TACC2: variants seen among roughly 807,000 people sequenced by gnomAD.
TACC2 encodes transforming acidic coiled-coil-containing protein 2.
TACC2 carries 137 observed loss-of-function variants against 227.3 expected under a neutral mutation model. That is an observed-to-expected ratio of 0.60 (90% CI 0.52 to 0.69). The LOEUF is 0.69. TACC2 is among the 30% of genes least tolerant of loss of function. TACC2 has a pLI of 0.00. For synonymous variants in TACC2, 1,523 were observed against 1,487.5 expected, an observed-to-expected ratio of 1.02 and a Z score of -0.55; for missense variants, 3,470 against 3,694.4, an observed-to-expected ratio of 0.94 and a Z score of 1.57.
intron 7 of TACC2, among the ~76,000 whole-genome samples, chr10:122,159,500 C>T (rs1424274185): frequency 6.6e-6 from 1 of 152,218 alleles, no homozygotes; most frequent in East Asian, 1.9e-4. Context: ...GTGAGCATGC[C>T]TAGCTCAGTG....
At chr10:122,133,934 G>C (rs941099561) in intron 6 of TACC2, among the ~76,000 whole-genome samples, 1 of 152,208 alleles carries the variant, frequency 6.6e-6, no homozygotes, top group Admixed American at 6.5e-5. Flanking sequence ...CCAGATGAGG[G>C]GGGGACAGGG....
At chr10:122,188,748 A>G (rs1324328387) in intron 7 of TACC2, among the ~76,000 whole-genome samples, 1 of 152,228 alleles carries the variant, frequency 6.6e-6, no homozygotes, top group Non-Finnish European at 1.5e-5. Flanking sequence ...GGCGATGGCC[A>G]GCGCCCCGGG....
In TACC2 at chr10:122,142,417, C is replaced by CA. The variant is rs564457250; in HGVS notation, c.5700-1155_5700-1154insA. Among the ~76,000 whole-genome samples the CA allele has an allele frequency of 1.6e-4, 25 of 152,366 alleles. No individual in the cohort carries two copies. The East Asian group carries it at 3.9e-3, about 24-fold the overall frequency. Reference sequence around the variant, plus strand: ...AGGGGCTGGGAAGTGCCTGCTGGACCTGCAGAATCTGCTAAGCTGTGACCA... The same window carrying CA: ...AGGGGCTGGGAAGTGCCTGCTGGACCATGCAGAATCTGCTAAGCTGTGACCA... On this transcript the variant is annotated intron_variant, in intron 6 of 22. Transcript: ENST00000369005.
At chr10:122,241,652 T>C in intron 18 of TACC2, 1 of 443,222 alleles carries the variant, frequency 2.3e-6, no homozygotes, top group African/African-American at 1.9e-5. Context: ...GGTCTCAAAA[T>C]CCTAGCCTTA....
intron 2 of TACC2, among the ~76,000 whole-genome samples, chr10:122,038,095 C>A (rs1209220102): frequency 6.6e-6 from 1 of 152,114 alleles, no homozygotes; most frequent in East Asian, 1.9e-4. Flanking sequence ...CCTGTCTCTA[C>A]TAAAAATACA....
Position 122,252,481 on chromosome 10 carries a change from GT to G in TACC2, c.8782-1500del, listed in dbSNP as rs758449522. The stretch of plus-strand genomic sequence containing the variant: ...AGCAGGGGCCATAGTGGCAATGAGA[GT>G]TTTTTTTTTCTTTCTTTTTTTTTTT... On this transcript the variant is annotated intron_variant, in intron 22 of 22. Coordinates refer to ENST00000369005, the MANE Select transcript of TACC2 (RefSeq NM_206862.4). Among the ~76,000 whole-genome samples the G allele has an allele frequency of 3.0e-3, 452 of 148,612 alleles. 2 individuals carry two copies. Among genetic ancestry groups the G allele is most frequent in the African/African-American group, 0.01 (406 of 40,450 alleles).
chr10:122,215,577 T>C, intron 10 of TACC2, 126 bp downstream of exon 10: 1 of 799,054 alleles, frequency 1.3e-6, no homozygotes, highest in Non-Finnish European at 2.2e-6. Flanking sequence ...TTGCATTCTG[T>C]GTGGAGGGTC....
At chr10:122,181,247 G>C (rs1335102334) in intron 7 of TACC2, among the ~76,000 whole-genome samples, 3 of 152,174 alleles carry the variant, frequency 2.0e-5, no homozygotes, top group Non-Finnish European at 4.4e-5. Context: ...TGTTGGAGGG[G>C]GCATTGTTGG....
At chr10:122,252,982 T>C (rs917583670) in intron 22 of TACC2, among the ~76,000 whole-genome samples, 5 of 152,174 alleles carry the variant, frequency 3.3e-5, no homozygotes, top group Non-Finnish European at 7.4e-5. Flanking sequence ...GACTGGAACT[T>C]CCCCTCCACT....
At position 122,082,053 on chromosome 10, in the gene TACC2, C is replaced by T. The variant is rs572305844; in HGVS notation, c.147-594C>T. Among the ~76,000 whole-genome samples, 60 of 150,056 alleles carry T rather than the reference C, an allele frequency of 4.0e-4. 1 individual carries two copies. The highest frequency in any genetic ancestry group is 6.8e-4 in the Non-Finnish European group (46 of 67,592). On this transcript the variant is annotated intron_variant, in intron 3 of 22. Coordinates refer to ENST00000369005, the MANE Select transcript of TACC2 (RefSeq NM_206862.4). The stretch of plus-strand genomic sequence containing the variant: ...TCTGAGTTGTCAGCACGGTGGCTCA[C>T]GCCTATAATTCCAGCACTTTGGGAG...
intron 3 of TACC2, among the ~76,000 whole-genome samples, chr10:122,079,950 T>A (rs768972634): frequency 5.3e-5 from 8 of 152,222 alleles, no homozygotes; most frequent in Middle Eastern, 3.2e-3. Flanking sequence ...TCAAAAATGT[T>A]GAAAGGATGG....
At chr10:122,248,914 G>A (rs2096190160) in intron 20 of TACC2, 111 bp downstream of exon 20, 5 of 1,515,252 alleles carry the variant, frequency 3.3e-6, no homozygotes, top group Non-Finnish European at 4.5e-6. Flanking sequence ...CCTGCGAGGA[G>A]GGGGTCCATG....
At chr10:122,104,779 T>G (rs543576490) in intron 5 of TACC2, among the ~76,000 whole-genome samples, 1 of 152,352 alleles carries the variant, frequency 6.6e-6, no homozygotes. Flanking sequence ...TGAAATACTC[T>G]AATCTGAGAA....
At chr10:122,118,600 T>C (rs1311967273) in intron 5 of TACC2, among the ~76,000 whole-genome samples, 1 of 152,240 alleles carries the variant, frequency 6.6e-6, no homozygotes, top group Non-Finnish European at 1.5e-5. Flanking sequence ...GGTCTAGACC[T>C]GGTTGCATTG....
Position 122,054,433 on chromosome 10 carries a change from G to A in TACC2, c.146+3883G>A, listed in dbSNP as rs562147594. Among the ~76,000 whole-genome samples, 4 of 152,326 alleles carry A rather than the reference G, an allele frequency of 2.6e-5. No homozygotes were observed. The South Asian group carries it at 8.3e-4, about 32-fold the overall frequency. ...AGCAGTACAGCTGATTAGCAGTCTG[G>A]ACTGGTCCCTGGTCCGCCCTTCTTG... On this transcript the variant is annotated intron_variant, in intron 3 of 22. Coordinates refer to ENST00000369005, the MANE Select transcript of TACC2 (RefSeq NM_206862.4).
intron 7 of TACC2, among the ~76,000 whole-genome samples, chr10:122,186,728 G>T (rs1160587238): frequency 6.6e-6 from 1 of 152,238 alleles, no homozygotes; most frequent in South Asian, 2.1e-4. Flanking sequence ...GGCCAGGCTG[G>T]CCTCGAACTC....
rs2095272946 is a variant in TACC2, at chr10:122,210,775, C to T, written c.6350C>T (p.Ser2117Phe). The change falls in exon 9 of 23, where the codon TCC becomes TTC. Residue 2117 changes from serine (S) to phenylalanine (F), a missense_variant. Physicochemically the swap from Ser to Phe is radical, Grantham distance 155 (BLOSUM62 -2). Transcript: ENST00000369005. This position sits in a 1 kb window ranked among gnomAD's most constrained non-coding sequence, Gnocchi z 4.6. ...ALAPDAYSTG[S>F]SSASSTLKRT... ...GCCCCAGATGCATATAGCACGGGTT[C>T]CAGCAGTGCTTCTAGTACCCTTAAG... is the stretch of plus-strand genomic sequence containing the variant. The T allele has an allele frequency of 6.2e-7, 1 of 1,613,742 alleles. No individual in the cohort carries two copies. The highest frequency in any genetic ancestry group is 8.5e-7 in the Non-Finnish European group (1 of 1,180,024).
intron 8 of TACC2, among the ~76,000 whole-genome samples, chr10:122,198,566 G>C (rs1376358880): frequency 6.6e-6 from 1 of 152,222 alleles, no homozygotes; most frequent in Non-Finnish European, 1.5e-5. Flanking sequence ...TCAGGTGAGG[G>C]AGGATCAGCC....
At chr10:122,005,483 C>A (rs1215344755) in intron 1 of TACC2, among the ~76,000 whole-genome samples, 7 of 150,698 alleles carry the variant, frequency 4.6e-5, no homozygotes, top group Admixed American at 6.7e-5. Context: ...CTCCTGGGTT[C>A]ACGCCATTCT....
Sources: gnomAD v4.1 joint callset for allele counts (sites outside exome capture counted in the v4.1 genomes callset) on GRCh38, gnomAD v4.1.1 for gene constraint, Gnocchi (gnomAD v3.1) non-coding constraint, MANE v1.5 for transcripts, NCBI Gene and HGNC (gene_info 2026-07-23, HGNC 2026-07-21) for gene names.